RBFOX1: variants seen among roughly 807,000 people sequenced by gnomAD.
The protein encoded by RBFOX1 is RNA binding protein fox-1 homolog 1.
RBFOX1 carries 8 observed loss-of-function variants against 57.7 expected under a neutral mutation model. The ratio of observed to expected loss-of-function variants is 0.14; its 90% CI spans 0.08 to 0.25. RBFOX1 has a LOEUF of 0.25. RBFOX1 is among the 10% of genes least tolerant of loss of function. The pLI, the probability that RBFOX1 is intolerant of heterozygous loss-of-function variation, is 1.00. For missense variants in RBFOX1, 611 were observed against 548.5 expected (o/e 1.11, Z -1.14); for synonymous variants, 326 against 222.4 (o/e 1.47, Z -4.15).
At chr16:7,411,001 A>G (rs907366390) in intron 4 of RBFOX1, among the ~76,000 whole-genome samples, 2 of 152,092 alleles carry the variant, frequency 1.3e-5, no homozygotes, top group Non-Finnish European at 2.9e-5. Flanking sequence ...GTTGGAGTAC[A>G]GTGGTGTGAT....
intron 3 of RBFOX1, among the ~76,000 whole-genome samples, chr16:5,769,935 A>C (rs2053921974): frequency 6.6e-6 from 1 of 152,204 alleles, no homozygotes; most frequent in African/African-American, 2.4e-5. Flanking sequence ...ACCTTGGAAG[A>C]AAATTAGGCT....
chr16:5,430,845 C>T (rs912157351), intron 1 of RBFOX1, among the ~76,000 whole-genome samples: 7 of 152,208 alleles, frequency 4.6e-5, no homozygotes, highest in African/African-American at 1.4e-4. Context: ...AACAGCCAAC[C>T]TTTACACATA....
chr16:6,368,610 C>T (rs2090003896), intron 2 of RBFOX1, among the ~76,000 whole-genome samples: 1 of 152,184 alleles, frequency 6.6e-6, no homozygotes, highest in Admixed American at 6.5e-5. Flanking sequence ...TATTATTTAG[C>T]TCTTACATTC....
intron 4 of RBFOX1, among the ~76,000 whole-genome samples, chr16:5,989,604 G>A (rs1159093791): frequency 2.0e-5 from 3 of 152,028 alleles, no homozygotes; most frequent in Admixed American, 6.6e-5. Flanking sequence ...GATGTGGGTG[G>A]GGGCAGAAGA....
chr16:6,505,866 T>G (rs2096074650), intron 2 of RBFOX1, among the ~76,000 whole-genome samples: 1 of 152,176 alleles, frequency 6.6e-6, no homozygotes, highest in Non-Finnish European at 1.5e-5. Flanking sequence ...AAGGAGCTGG[T>G]GCCACTGTTA....
intron 12 of RBFOX1, among the ~76,000 whole-genome samples, chr16:7,654,954 T>A (rs1043178570): frequency 6.6e-6 from 1 of 152,190 alleles, no homozygotes; most frequent in Non-Finnish European, 1.5e-5. Context: ...CTATGTTAAA[T>A]TCAGCGATCC....
intron 3 of RBFOX1, among the ~76,000 whole-genome samples, chr16:6,743,460 A>C (rs191527775): frequency 1.3e-5 from 2 of 152,292 alleles, no homozygotes; most frequent in East Asian, 3.9e-4. Flanking sequence ...ATATGTTGAT[A>C]AGGATGAATG....
chr16:6,265,733 C>G (rs1315972111), intron 1 of RBFOX1, among the ~76,000 whole-genome samples: 1 of 152,180 alleles, frequency 6.6e-6, no homozygotes, highest in Non-Finnish European at 1.5e-5. Flanking sequence ...TGTTAGCTCT[C>G]TCAACTGCCT....
intron 1 of RBFOX1, among the ~76,000 whole-genome samples, chr16:6,027,321 G>A (rs576461029): frequency 6.6e-6 from 1 of 152,256 alleles, no homozygotes; most frequent in African/African-American, 2.4e-5. Flanking sequence ...CGAGATTGCA[G>A]ACTCAAGCAG....
intron 2 of RBFOX1, among the ~76,000 whole-genome samples, chr16:6,487,612 GA>G (rs137951386): frequency 0.19 from 26,481 of 137,408 alleles, 2,529 homozygotes; most frequent in Middle Eastern, 0.26. Context: ...GACTTTTCAA[GA>G]AAAGATACAA....
intron 2 of RBFOX1, among the ~76,000 whole-genome samples, chr16:6,351,324 G>A (rs1204934166): frequency 8.4e-5 from 6 of 71,508 alleles, no homozygotes; most frequent in Middle Eastern, 6.8e-3. Context: ...TATATATAAC[G>A]TGTGTGTGTG....
chr16:5,855,129 C>T (rs2056992907), intron 3 of RBFOX1, among the ~76,000 whole-genome samples: 1 of 152,026 alleles, frequency 6.6e-6, no homozygotes, highest in Non-Finnish European at 1.5e-5. Context: ...AATATTATCC[C>T]CTTATTAGAT....
At chr16:6,652,035 A>T (rs1462031493) in intron 2 of RBFOX1, among the ~76,000 whole-genome samples, 1 of 152,228 alleles carries the variant, frequency 6.6e-6, no homozygotes, top group Non-Finnish European at 1.5e-5. Flanking sequence ...TGTAAAATTC[A>T]TATACTGAAG....
intron 4 of RBFOX1, among the ~76,000 whole-genome samples, chr16:7,096,004 C>T (rs1477744029): frequency 1.7e-5 from 2 of 117,234 alleles, no homozygotes; most frequent in African/African-American, 7.4e-5. Context: ...CAGAGTGAGA[C>T]TCTGTCTCAA....
intron 1 of RBFOX1, among the ~76,000 whole-genome samples, chr16:6,250,059 C>G (rs552359608): frequency 6.6e-6 from 1 of 152,128 alleles, no homozygotes; most frequent in Non-Finnish European, 1.5e-5. Flanking sequence ...TTAAGTTAGC[C>G]CAGGCACGTG....
rs74010677 is a variant in RBFOX1, at chr16:7,372,732, A to C, written c.28-145415A>C. 9.0e-3 allele frequency among the ~76,000 whole-genome samples: 1,374 copies of C among 152,136 alleles called. 21 individuals are homozygous for C. Among genetic ancestry groups the C allele is most frequent in the African/African-American group, 0.032 (1,309 of 41,500 alleles). ...ATTGAGGGCTTACAGAAAATTTTTGAATCAATATAAAAAGCAGCAATGGGA... is the reference window on the plus strand; with the variant it reads ...ATTGAGGGCTTACAGAAAATTTTTGCATCAATATAAAAAGCAGCAATGGGA... On this transcript the variant is annotated intron_variant, in intron 4 of 15. Coordinates refer to ENST00000550418, the MANE Select transcript of RBFOX1 (RefSeq NM_018723.4).
intron 2 of RBFOX1, among the ~76,000 whole-genome samples, chr16:6,413,341 T>C (rs1429710640): frequency 5.8e-5 from 8 of 136,864 alleles, no homozygotes; most frequent in Non-Finnish European, 1.3e-4. Flanking sequence ...AAAAAAAAAA[T>C]TGTAGAGATA....
At chr16:6,821,569 C>A (rs74871827) in intron 3 of RBFOX1, among the ~76,000 whole-genome samples, 4 of 152,136 alleles carry the variant, frequency 2.6e-5, no homozygotes, top group African/African-American at 7.2e-5. Context: ...TCCCCCCAAC[C>A]GCTGGTAACC....
At chr16:5,923,261 A>G (rs373637049) in intron 4 of RBFOX1, among the ~76,000 whole-genome samples, 1 of 152,210 alleles carries the variant, frequency 6.6e-6, no homozygotes, top group African/African-American at 2.4e-5. Context: ...CTAAATTAAC[A>G]AAAAGAGAGG....
Sources: gnomAD v4.1 joint callset for allele counts (sites outside exome capture counted in the v4.1 genomes callset) on GRCh38, gnomAD v4.1.1 for gene constraint, MANE v1.5 for transcripts, NCBI Gene and HGNC (gene_info 2026-07-23, HGNC 2026-07-21) for gene names.